The following PYROXD1 variants were observed in gnomAD, a reference collection of about 807,000 sequenced individuals.
PYROXD1 encodes pyridine nucleotide-disulphide oxidoreductase domain 1.
Under a neutral mutation model 62.0 loss-of-function variants are expected in PYROXD1, and 42 were observed. The observed-to-expected ratio is 0.68, with a 90% CI of 0.53 to 0.88. The LOEUF (loss-of-function observed/expected upper bound fraction) is 0.88. Ranked by LOEUF, PYROXD1 falls within the 40% of genes least tolerant of loss-of-function variation. PYROXD1 has a pLI of 0.00. For missense variants in PYROXD1, 493 were observed against 604.8 expected (o/e 0.82, Z 1.94); for synonymous variants, 170 against 206.4 (o/e 0.82, Z 1.51).
chr12:21,453,097 A>T (rs1942531225), intron 5 of PYROXD1, among the ~76,000 whole-genome samples: 1 of 152,104 alleles, frequency 6.6e-6, no homozygotes, highest in Admixed American at 6.6e-5. Context: ...GTATAGATTT[A>T]TTGTAAATGG....
intron 4 of PYROXD1, among the ~76,000 whole-genome samples, chr12:21,451,212 C>G (rs1453639224): frequency 2.1e-5 from 3 of 144,568 alleles, no homozygotes; most frequent in Admixed American, 7.1e-5. Context: ...AAAGAATTAC[C>G]ACTGGCTTCT....
At position 21,469,020 on chromosome 12, in the gene PYROXD1, T is replaced by C. The variant is rs1030328219; in HGVS notation, c.*266T>C. 1 of 300,118 alleles carries C rather than the reference T, an allele frequency of 3.3e-6. No individual in the cohort carries two copies. The highest frequency in any genetic ancestry group is 2.2e-5 in the African/African-American group (1 of 45,040). The allele number at this position is 300,118 out of a possible 1,614,324, so 18.6% of individuals were successfully genotyped here. Reference sequence around the variant, plus strand: ...TATTTCTGTGTTTTAAACATAAATATGTTTACTTGTGATTTAGCTTTGGAG... The same window carrying C: ...TATTTCTGTGTTTTAAACATAAATACGTTTACTTGTGATTTAGCTTTGGAG... On this transcript the variant is annotated 3_prime_UTR_variant, in exon 12 of 12. Coordinates refer to ENST00000240651, the MANE Select transcript of PYROXD1 (RefSeq NM_024854.5).
intron 2 of PYROXD1, among the ~76,000 whole-genome samples, chr12:21,441,639 T>C (rs976740022): frequency 2.0e-5 from 3 of 152,096 alleles, no homozygotes; most frequent in African/African-American, 7.3e-5. Flanking sequence ...TTAAATAACT[T>C]TTTAAATTTT....
intron 1 of PYROXD1, 133 bp from the exon 2 acceptor site, chr12:21,440,235 A>T: frequency 1.8e-6 from 1 of 560,436 alleles, no homozygotes; most frequent in Non-Finnish European, 3.2e-6. Flanking sequence ...AGACCTTTAG[A>T]TGAGGAACAG....
intron 2 of PYROXD1, among the ~76,000 whole-genome samples, chr12:21,444,671 G>A (rs1009630370): frequency 1.8e-5 from 2 of 113,270 alleles, no homozygotes; most frequent in African/African-American, 6.6e-5. Context: ...AAGGGGTCAT[G>A]AGACCAAAAG....
intron 2 of PYROXD1, among the ~76,000 whole-genome samples, chr12:21,444,560 G>A (rs929013852): frequency 1.3e-5 from 2 of 152,188 alleles, no homozygotes; most frequent in African/African-American, 4.8e-5. Context: ...CATTTATTAA[G>A]TGCTTACCAT....
At chr12:21,458,279 C>T (rs899044651) in intron 7 of PYROXD1, among the ~76,000 whole-genome samples, 1 of 152,202 alleles carries the variant, frequency 6.6e-6, no homozygotes, top group Non-Finnish European at 1.5e-5. Context: ...CTGCAGCTTC[C>T]TCACTTCTCT....
intron 6 of PYROXD1, 68 bp from the exon 7 acceptor site, chr12:21,455,927 A>G (rs1229799675): frequency 8.2e-6 from 8 of 980,808 alleles, no homozygotes; most frequent in African/African-American, 1.7e-5. Flanking sequence ...GCCTAAATAA[A>G]AAACTTCAGA....
intron 4 of PYROXD1, among the ~76,000 whole-genome samples, chr12:21,451,309 G>A (rs1942493578): frequency 6.6e-6 from 1 of 151,268 alleles, no homozygotes; most frequent in African/African-American, 2.4e-5. Context: ...TGTTACATAT[G>A]TATACATGTG....
rs536281865 is a variant in PYROXD1, at chr12:21,465,620, T to C, written c.1117-1861T>C. Among the ~76,000 whole-genome samples the C allele has an allele frequency of 4.6e-5, 7 of 152,128 alleles. No homozygotes were observed. In the East Asian group the frequency reaches 1.3e-3, roughly 29 times the overall value. On this transcript the variant is annotated intron_variant, in intron 10 of 11. Transcript: ENST00000240651. Reference sequence around the variant, plus strand: ...ATTTTCTCCCATTCTGTAGGTTGCCTGTTCACTCTGATGGTGGTTTCTTTT... The same window carrying C: ...ATTTTCTCCCATTCTGTAGGTTGCCCGTTCACTCTGATGGTGGTTTCTTTT...
chr12:21,462,155 A>G (rs1448327669), intron 9 of PYROXD1, 35 bp downstream of exon 9: 1 of 1,188,990 alleles, frequency 8.4e-7, no homozygotes, highest in East Asian at 2.3e-5. Context: ...CTGTGAATAT[A>G]TTTGAAGTAT....
chr12:21,439,612 A>T (rs738029), intron 1 of PYROXD1, among the ~76,000 whole-genome samples: 74,791 of 151,446 alleles, frequency 0.49, 18,536 homozygotes, highest in Middle Eastern at 0.59. Context: ...CATTAAAAAA[A>T]AAATAAATAA....
rs200994206 is a variant in PYROXD1 at position 21,471,122 on chromosome 12, T to C, written c.*2368T>C. 2.6e-5 allele frequency: 40 copies of C among 1,546,110 alleles called. No homozygotes were observed. Among genetic ancestry groups the C allele is most frequent in the Middle Eastern group, 3.5e-4 (2 of 5,758 alleles). ...CTCTGCAGAAAATAAAGGCCAACAA[T>C]AAGAAAGCTTTTGAAGGAATCACGG... On this transcript the variant is annotated 3_prime_UTR_variant, in exon 12 of 12. Coordinates refer to ENST00000240651, the MANE Select transcript of PYROXD1 (RefSeq NM_024854.5).
rs1160901647 is a variant in PYROXD1, at chr12:21,469,608, TAA to T, written c.*855_*856del. 1.3e-5 allele frequency: 2 copies of T among 151,936 alleles called. No individual in the cohort carries two copies. Among genetic ancestry groups the T allele is most frequent in the Admixed American group, 1.3e-4 (2 of 15,168 alleles). 9.4% of individuals were successfully genotyped at this position (151,936 alleles called of 1,614,324 possible). ...TAAGTATATAAAGGCATAAAAAACT[TAA>T]GACAATTACATGAACTTATTCTCAA... On this transcript the variant is annotated 3_prime_UTR_variant, in exon 12 of 12. Transcript: ENST00000240651.
At chr12:21,447,933 A>G in intron 3 of PYROXD1, 1 of 233,748 alleles carries the variant, frequency 4.3e-6, no homozygotes. Flanking sequence ...CAGTGAGCTG[A>G]GATCACGCCG....
chr12:21,452,627 T>TG (rs146485790), intron 5 of PYROXD1, among the ~76,000 whole-genome samples: 3 of 152,260 alleles, frequency 2.0e-5, no homozygotes, highest in African/African-American at 7.2e-5. Context: ...ATGTGGTTCT[T>TG]GCAGCTCTTT....
At position 21,452,141 on chromosome 12, in the gene PYROXD1, G is replaced by T. The variant is rs914840892; in HGVS notation, c.475G>T (p.Ala159Ser). The T allele has an allele frequency of 2.5e-6, 4 of 1,571,544 alleles. No individual in the cohort carries two copies. The highest frequency in any genetic ancestry group is 1.8e-4 in the Middle Eastern group (1 of 5,446). ...AATGATCATAGGGAACGGTGGTATT[G>T]CACTTGAGTTAGTGTAAGTATATAT... ...RIMIIGNGGI[A>S]LELVYEIEGC... Residue 159 changes from alanine to serine, a missense_variant, in exon 5 of 12, where the codon GCA (alanine) becomes TCA (serine). By Grantham distance (99) the Ala-to-Ser change is moderately conservative. Coordinates refer to ENST00000240651, the MANE Select transcript of PYROXD1 (RefSeq NM_024854.5).
rs1273204688 is a variant in PYROXD1, at chr12:21,468,945, A to G, written c.*191A>G. 12 of 550,466 alleles carry G rather than the reference A, an allele frequency of 2.2e-5. No homozygotes were observed. The highest frequency in any genetic ancestry group is 1.4e-4 in the Admixed American group (4 of 29,518). 34.1% of individuals were successfully genotyped at this position (550,466 alleles called of 1,614,324 possible). ...ATCAGTTCAAAGTTTATTTATAGAT[A>G]TATCTTTCCAATACAACACTGACCG... On this transcript the variant is annotated 3_prime_UTR_variant, in exon 12 of 12. Coordinates refer to ENST00000240651, the MANE Select transcript of PYROXD1 (RefSeq NM_024854.5).
intron 1 of PYROXD1, among the ~76,000 whole-genome samples, chr12:21,439,715 CGAG>C (rs1472613597): frequency 6.6e-6 from 1 of 152,020 alleles, no homozygotes; most frequent in African/African-American, 2.4e-5. Flanking sequence ...GTGGTGGTGT[CGAG>C]GAACCAGACT....
Sources: gnomAD v4.1 joint callset for allele counts (sites outside exome capture counted in the v4.1 genomes callset) on GRCh38, gnomAD v4.1.1 for gene constraint, MANE v1.5 for transcripts, NCBI Gene and HGNC (gene_info 2026-07-23, HGNC 2026-07-21) for gene names.